PRKCA: variants seen among roughly 807,000 people sequenced by gnomAD.
The protein encoded by PRKCA is protein kinase C alpha.
In PRKCA, 27 loss-of-function variants were observed where a neutral mutation model predicts 87.0. The ratio of observed to expected loss-of-function variants is 0.31; its 90% confidence interval spans 0.23 to 0.43. PRKCA has a LOEUF of 0.43. Among genes scored for constraint, PRKCA ranks in the 20% least tolerant of loss-of-function variants. The pLI, the probability that PRKCA is intolerant of heterozygous loss-of-function variation, is 1.00. For synonymous variants in PRKCA, 329 were observed against 311.1 expected, an observed-to-expected ratio of 1.06 and a Z score of -0.61; for missense variants, 518 against 852.3, an observed-to-expected ratio of 0.61 and a Z score of 4.88.
intron 3 of PRKCA, among the ~76,000 whole-genome samples, chr17:66,553,582 A>G (rs1968407710): frequency 6.6e-6 from 1 of 152,206 alleles, no homozygotes; most frequent in Non-Finnish European, 1.5e-5. Flanking sequence ...TTCTGAGAAT[A>G]GCTGTAAAAG....
At chr17:66,367,275 G>A (rs1425293932) in intron 2 of PRKCA, among the ~76,000 whole-genome samples, 1 of 152,198 alleles carries the variant, frequency 6.6e-6, no homozygotes. Flanking sequence ...AAGTGCGCAG[G>A]CCTTTGGCCA....
At chr17:66,718,327 T>C (rs1973528148) in intron 8 of PRKCA, among the ~76,000 whole-genome samples, 1 of 152,156 alleles carries the variant, frequency 6.6e-6, no homozygotes, top group East Asian at 1.9e-4. Flanking sequence ...GTTTTTATTA[T>C]TTAGAGACAG....
intron 3 of PRKCA, among the ~76,000 whole-genome samples, chr17:66,618,651 G>C (rs947207251): frequency 6.6e-6 from 1 of 152,156 alleles, no homozygotes; most frequent in Non-Finnish European, 1.5e-5. Flanking sequence ...AATAACAAGG[G>C]ATTATAGTAT....
At chr17:66,652,575 G>T (rs1279342373) in intron 5 of PRKCA, among the ~76,000 whole-genome samples, 2 of 152,114 alleles carry the variant, frequency 1.3e-5, no homozygotes, top group Non-Finnish European at 2.9e-5. Context: ...GACCAGGCGG[G>T]GGTTGGGGCC....
intron 5 of PRKCA, among the ~76,000 whole-genome samples, chr17:66,663,425 A>G (rs1479746031): frequency 1.3e-5 from 2 of 152,162 alleles, no homozygotes; most frequent in Non-Finnish European, 2.9e-5. Flanking sequence ...GGGTTATTTC[A>G]GTTCGGTTTA....
rs150369270 is a variant in PRKCA at position 66,552,443 on chromosome 17, G to T, written c.288+56160G>T. ...GTGCTTGTGATTGAGGGTTTCTCCCGGGCTGCAGCCCAGAAGTCTAATCAT... is the reference window on the plus strand; with the variant it reads ...GTGCTTGTGATTGAGGGTTTCTCCCTGGCTGCAGCCCAGAAGTCTAATCAT... On this transcript the variant is annotated intron_variant, in intron 3 of 16. Coordinates refer to ENST00000413366, the MANE Select transcript of PRKCA (RefSeq NM_002737.3). Among the ~76,000 whole-genome samples, 15 of 152,282 alleles carry T rather than the reference G, an allele frequency of 9.9e-5. No individual in the cohort carries two copies. In the East Asian group the frequency reaches 2.9e-3, roughly 29 times the overall value.
chr17:66,393,634 G>T (rs928088674), intron 2 of PRKCA, among the ~76,000 whole-genome samples: 4 of 119,718 alleles, frequency 3.3e-5, no homozygotes, highest in Non-Finnish European at 7.5e-5. Context: ...TCTTCCATGT[G>T]TGTGCACGTG....
intron 3 of PRKCA, among the ~76,000 whole-genome samples, chr17:66,582,612 A>C (rs981123792): frequency 1.6e-5 from 2 of 126,338 alleles, no homozygotes; most frequent in Non-Finnish European, 3.3e-5. Context: ...TGGAACTGTG[A>C]GTCCATTAAA....
At chr17:66,701,570 A>G (rs1040005486) in intron 8 of PRKCA, among the ~76,000 whole-genome samples, 1 of 152,198 alleles carries the variant, frequency 6.6e-6, no homozygotes, top group Non-Finnish European at 1.5e-5. Context: ...AGGGTTTAAT[A>G]TCCAAAATGC....
At chr17:66,337,918 A>AT (rs959221654) in intron 2 of PRKCA, among the ~76,000 whole-genome samples, 77 of 152,052 alleles carry the variant, frequency 5.1e-4, no homozygotes, top group African/African-American at 1.8e-3. Flanking sequence ...CAAAAAGCCA[A>AT]TTAAAAAAAA....
chr17:66,682,023 T>G (rs1824972161), intron 5 of PRKCA, among the ~76,000 whole-genome samples: 1 of 152,168 alleles, frequency 6.6e-6, no homozygotes, highest in South Asian at 2.1e-4. Context: ...GTGGCTTAGA[T>G]TCTCCAATCC....
chr17:66,454,961 G>T (rs1914512293), intron 2 of PRKCA, among the ~76,000 whole-genome samples: 4 of 152,222 alleles, frequency 2.6e-5, no homozygotes, highest in African/African-American at 9.6e-5. Flanking sequence ...ACCACAGGAT[G>T]GAAGGGCCGG....
intron 2 of PRKCA, among the ~76,000 whole-genome samples, chr17:66,371,029 T>A (rs1295992506): frequency 6.6e-6 from 1 of 152,266 alleles, no homozygotes; most frequent in South Asian, 2.1e-4. Context: ...ATCCTGTTTA[T>A]TTCCAACAAA....
At chr17:66,660,663 G>T (rs917685180) in intron 5 of PRKCA, among the ~76,000 whole-genome samples, 25 of 152,256 alleles carry the variant, frequency 1.6e-4, no homozygotes, top group African/African-American at 5.8e-4. Context: ...GCCGAGGCGG[G>T]CGGATCACGA....
rs888254947 is a variant in PRKCA, at chr17:66,689,488, A to G, written c.918+441A>G. On this transcript the variant is annotated intron_variant, in intron 8 of 16. Coordinates refer to ENST00000413366, the MANE Select transcript of PRKCA (RefSeq NM_002737.3). This position sits in a 1 kb window ranked among gnomAD's most constrained non-coding sequence, Gnocchi z 4.1. ...TTTCTACAGAAAGTACAAGGTTCCT[A>G]ATTTTGTTCTGAAAGAGCAGCTTAA... 6.6e-6 allele frequency among the ~76,000 whole-genome samples: 1 copy of G among 152,166 alleles called. No individual in the cohort carries two copies. Among genetic ancestry groups the G allele is most frequent in the Non-Finnish European group, 1.5e-5 (1 of 68,032 alleles).
intron 2 of PRKCA, among the ~76,000 whole-genome samples, chr17:66,467,927 A>G (rs1322467568): frequency 6.6e-6 from 1 of 151,874 alleles, no homozygotes; most frequent in Admixed American, 6.6e-5. Context: ...CATGGCTCCC[A>G]GGAGCATTTA....
intron 16 of PRKCA, among the ~76,000 whole-genome samples, chr17:66,795,273 C>G (rs1975640262): frequency 6.6e-6 from 1 of 152,192 alleles, no homozygotes; most frequent in African/African-American, 2.4e-5. Flanking sequence ...CCATAGGCAG[C>G]TTGGGCCACA....
intron 2 of PRKCA, among the ~76,000 whole-genome samples, chr17:66,458,486 C>CT (rs11286662): frequency 7.4e-5 from 11 of 148,412 alleles, no homozygotes; most frequent in South Asian, 2.2e-4. Flanking sequence ...CTTTATTTTC[C>CT]TTTTTTTTTT....
Position 66,735,533 on chromosome 17 carries a change from C to T in PRKCA, c.1101C>T (p.Ile367=). Residue 367 remains isoleucine, a synonymous_variant, in exon 10 of 17, where the codon ATC becomes ATT. Transcript: ENST00000413366. ...DRKGTEELYA[I]KILKKDVVIQ... ...AGGGCACAGAAGAACTGTATGCAATCAAAATCCTGAAGAAGGATGTGGTGA... is the reference window on the plus strand; with the variant it reads ...AGGGCACAGAAGAACTGTATGCAATTAAAATCCTGAAGAAGGATGTGGTGA... The T allele has an allele frequency of 3.1e-6, 5 of 1,614,140 alleles. No homozygotes were observed. Among genetic ancestry groups the T allele is most frequent in the Non-Finnish European group, 4.2e-6 (5 of 1,180,038 alleles).
Sources: gnomAD v4.1 joint callset for allele counts (sites outside exome capture counted in the v4.1 genomes callset) on GRCh38, gnomAD v4.1.1 for gene constraint, Gnocchi (gnomAD v3.1) non-coding constraint, MANE v1.5 for transcripts, NCBI Gene and HGNC (gene_info 2026-07-23, HGNC 2026-07-21) for gene names.